CDH12: variants seen among roughly 807,000 people sequenced by gnomAD.
The protein encoded by CDH12 is cadherin 12.
In CDH12, 41 loss-of-function variants were observed where a neutral mutation model predicts 74.1. The ratio of observed to expected loss-of-function variants is 0.55; its 90% CI spans 0.43 to 0.72. The LOEUF (loss-of-function observed/expected upper bound fraction) is 0.72, where lower values mean the gene tolerates loss of function less well. Among genes scored for constraint, CDH12 ranks in the 30% least tolerant of loss-of-function variants. CDH12 has a pLI of 0.00. For missense variants in CDH12, 945 were observed against 977.2 expected (o/e 0.97, Z 0.44); for synonymous variants, 399 against 355.0 (o/e 1.12, Z -1.39).
intron 8 of CDH12, among the ~76,000 whole-genome samples, chr5:21,828,995 C>T (rs1748851265): frequency 6.9e-6 from 1 of 143,896 alleles, no homozygotes; most frequent in African/African-American, 2.6e-5. Context: ...TGTGCATTAA[C>T]TTGAAAATCT....
At chr5:22,168,171 T>C (rs538864875) in intron 4 of CDH12, among the ~76,000 whole-genome samples, 1 of 152,220 alleles carries the variant, frequency 6.6e-6, no homozygotes, top group East Asian at 1.9e-4. Context: ...GCCTCCTAAC[T>C]TTGTGGAATA....
At chr5:22,193,126 A>G (rs1418025860) in intron 4 of CDH12, among the ~76,000 whole-genome samples, 3 of 152,214 alleles carry the variant, frequency 2.0e-5, no homozygotes, top group African/African-American at 7.2e-5. Context: ...CTGACTCATG[A>G]ATCTGAGCCC....
chr5:21,822,308 T>G (rs531605409), intron 8 of CDH12, among the ~76,000 whole-genome samples: 1 of 149,326 alleles, frequency 6.7e-6, no homozygotes, highest in Non-Finnish European at 1.5e-5. Context: ...CAATAGCCAA[T>G]AGGAAACTGT....
chr5:21,898,621 G>A (rs1490569933), intron 6 of CDH12, among the ~76,000 whole-genome samples: 1 of 151,998 alleles, frequency 6.6e-6, no homozygotes, highest in African/African-American at 2.4e-5. Context: ...AGAATGGCGT[G>A]AACTTGGGAG....
chr5:22,687,961 T>G (rs1048577572), intron 1 of CDH12, among the ~76,000 whole-genome samples: 2 of 152,160 alleles, frequency 1.3e-5, no homozygotes, highest in Non-Finnish European at 2.9e-5. Context: ...TGGTAGGATA[T>G]TGTGCATTTT....
At position 22,697,340 on chromosome 5, in the gene CDH12, G is replaced by A. The variant is rs537673833; in HGVS notation, c.-523+155718C>T. ...TAATCCCAGCACTTTGGGAGGCCGA[G>A]GCGGGTGGATCACGAGGTCAGGAGA... On this transcript the variant is annotated intron_variant, in intron 1 of 14. Transcript: ENST00000382254. Among the ~76,000 whole-genome samples, 4 of 152,154 alleles carry A rather than the reference G, an allele frequency of 2.6e-5. 1 individual carries two copies. In the South Asian group the frequency reaches 6.2e-4, roughly 24 times the overall value.
At chr5:21,790,778 C>T (rs1311966804) in intron 10 of CDH12, among the ~76,000 whole-genome samples, 1 of 151,910 alleles carries the variant, frequency 6.6e-6, no homozygotes, top group Non-Finnish European at 1.5e-5. Flanking sequence ...TATTACTTCC[C>T]AGATAAAAAC....
intron 3 of CDH12, among the ~76,000 whole-genome samples, chr5:22,286,325 T>C (rs749261549): frequency 8.3e-4 from 126 of 152,182 alleles, no homozygotes; most frequent in Non-Finnish European, 8.4e-4. Context: ...AGACACTCAA[T>C]TGGCTCGAAA....
At chr5:22,431,850 T>C (rs1744186019) in intron 2 of CDH12, among the ~76,000 whole-genome samples, 1 of 152,188 alleles carries the variant, frequency 6.6e-6, no homozygotes, top group Admixed American at 6.5e-5. Flanking sequence ...TGTTTGTGTT[T>C]TAATCTAAGT....
chr5:21,828,160 T>C (rs909455660), intron 8 of CDH12, among the ~76,000 whole-genome samples: 6 of 151,914 alleles, frequency 3.9e-5, no homozygotes, highest in African/African-American at 1.5e-4. Context: ...TCTCACTCTG[T>C]TGCCCAGGCT....
chr5:22,217,186 A>G (rs186658861), intron 3 of CDH12, among the ~76,000 whole-genome samples: 282 of 151,950 alleles, frequency 1.9e-3, no homozygotes, highest in Admixed American at 3.9e-3. Context: ...AATGGAGTAG[A>G]TTAAAAAATT....
chr5:22,775,138 A>G (rs1309286620), intron 1 of CDH12, among the ~76,000 whole-genome samples: 1 of 151,962 alleles, frequency 6.6e-6, no homozygotes, highest in East Asian at 1.9e-4. Context: ...TTCTCCAATG[A>G]ATTAAATTCA....
At chr5:22,540,436 G>A (rs1407961943) in intron 1 of CDH12, among the ~76,000 whole-genome samples, 1 of 152,020 alleles carries the variant, frequency 6.6e-6, no homozygotes, top group African/African-American at 2.4e-5. Flanking sequence ...AAGGGTAAAA[G>A]AGAAGGATCA....
intron 10 of CDH12, among the ~76,000 whole-genome samples, chr5:21,798,630 C>T (rs1229110820): frequency 6.6e-6 from 1 of 151,860 alleles, no homozygotes; most frequent in African/African-American, 2.4e-5. Context: ...GGGTGGAGTC[C>T]TCATAAATAG....
At chr5:21,776,370 A>G in intron 11 of CDH12, among the ~76,000 whole-genome samples, 1 of 152,178 alleles carries the variant, frequency 6.6e-6, no homozygotes. Context: ...TGTTGTTTAA[A>G]CTACCAAATT....
chr5:21,998,122 C>G (rs1736401039), intron 5 of CDH12, among the ~76,000 whole-genome samples: 1 of 152,012 alleles, frequency 6.6e-6, no homozygotes, highest in Admixed American at 6.6e-5. Context: ...TATTGACCTT[C>G]ATTCTTACTT....
intron 4 of CDH12, among the ~76,000 whole-genome samples, chr5:22,124,310 A>C (rs529456918): frequency 6.6e-6 from 1 of 152,186 alleles, no homozygotes; most frequent in East Asian, 1.9e-4. Context: ...TTTTTAGTGG[A>C]AACACGGTTT....
At chr5:21,789,623 A>C (rs1379167656) in intron 10 of CDH12, among the ~76,000 whole-genome samples, 1 of 152,108 alleles carries the variant, frequency 6.6e-6, no homozygotes, top group Non-Finnish European at 1.5e-5. Flanking sequence ...TCATTTTTGA[A>C]AATCCCATAC....
At chr5:22,782,548 CTT>C (rs922680597) in intron 1 of CDH12, among the ~76,000 whole-genome samples, 6 of 152,132 alleles carry the variant, frequency 3.9e-5, no homozygotes, top group African/African-American at 1.4e-4. Context: ...AATTAAACCT[CTT>C]TTATTTATAA....
Sources: gnomAD v4.1 joint callset for allele counts (sites outside exome capture counted in the v4.1 genomes callset) on GRCh38, gnomAD v4.1.1 for gene constraint, MANE v1.5 for transcripts, NCBI Gene and HGNC (gene_info 2026-07-23, HGNC 2026-07-21) for gene names.